Variants in AEBP2 observed in about 807,000 individuals in gnomAD.
AEBP2 encodes AE binding protein 2.
Under a neutral mutation model 50.8 loss-of-function variants are expected in AEBP2, and 10 were observed. The observed-to-expected ratio is 0.20, with a 90% confidence interval of 0.12 to 0.33. AEBP2 has a LOEUF of 0.33. Ranked by LOEUF, AEBP2 falls within the 10% of genes least tolerant of loss-of-function variation. AEBP2 has a pLI of 1.00. For synonymous variants in AEBP2, 296 were observed against 261.3 expected (o/e 1.13, Z -1.28); for missense variants, 570 against 688.0 (o/e 0.83, Z 1.92).
chr12:19,454,723 T>C (rs1355947190), intron 1 of AEBP2, among the ~76,000 whole-genome samples: 6 of 151,974 alleles, frequency 3.9e-5, no homozygotes, highest in Middle Eastern at 3.2e-3. Flanking sequence ...CTAAAAAAAA[T>C]AAAGTTGGAC....
chr12:19,413,459 G>A (rs2095740542), intron 1 of AEBP2: 3 of 1,087,738 alleles, frequency 2.8e-6, no homozygotes, highest in Admixed American at 1.7e-5. Context: ...GACGATTATT[G>A]AACTACAAGT....
At position 19,433,796 on chromosome 12, in the gene AEBP2, C is replaced by T. The variant is rs556035383; in HGVS notation, c.-16-28714C>T. 3.0e-3 allele frequency among the ~76,000 whole-genome samples: 457 copies of T among 150,784 alleles called. 1 individual carries two copies. The highest frequency in any genetic ancestry group is 4.6e-3 in the Non-Finnish European group (310 of 67,812). On this transcript the variant is annotated intron_variant, in intron 1 of 3. Transcript: ENST00000538425. ...CTAGCCTGGGTGAAAGAGTGAAACT[C>T]CGTCTCAAAAAAAAAAAAGTATAAA... is the stretch of plus-strand genomic sequence containing the variant.
At chr12:19,446,757 C>T (rs1024413233) in intron 1 of AEBP2, among the ~76,000 whole-genome samples, 7 of 146,390 alleles carry the variant, frequency 4.8e-5, no homozygotes, top group African/African-American at 1.7e-4. Context: ...AAAAAGATCT[C>T]ATCTACAAAA....
At chr12:19,483,270 G>A (rs1948756735) in intron 3 of AEBP2, among the ~76,000 whole-genome samples, 1 of 152,108 alleles carries the variant, frequency 6.6e-6, no homozygotes, top group African/African-American at 2.4e-5. Flanking sequence ...TCCCACTGCT[G>A]CTTCTACTTT....
chr12:19,484,575 A>G (rs1174074702), intron 3 of AEBP2, among the ~76,000 whole-genome samples: 1 of 151,922 alleles, frequency 6.6e-6, no homozygotes, highest in Non-Finnish European at 1.5e-5. Context: ...GGGTTTCACC[A>G]TGTTGGCCAG....
rs1188965737 is a variant in AEBP2, at chr12:19,413,449, GA to G, written c.-17+9234del. The G allele has an allele frequency of 4.5e-6, 5 of 1,105,174 alleles. No individual in the cohort carries two copies. The African/African-American group carries it at 6.1e-5, about 14-fold the overall frequency. The allele number at this position is 1,105,174 out of a possible 1,614,324, so 68.5% of individuals were successfully genotyped here. Reference sequence around the variant, plus strand: ...AAAAGTAATGGACTCTGATGAAGAAGACGATTATTGAACTACAAGTGCTCAC... The same window carrying G: ...AAAAGTAATGGACTCTGATGAAGAAGCGATTATTGAACTACAAGTGCTCAC... On this transcript the variant is annotated intron_variant, in intron 1 of 3. Coordinates refer to the AEBP2 transcript ENST00000538425.
At chr12:19,468,656 C>G (rs1387147541) in intron 2 of AEBP2, among the ~76,000 whole-genome samples, 1 of 152,168 alleles carries the variant, frequency 6.6e-6, no homozygotes. Flanking sequence ...GATACATACA[C>G]TGGTACAAGG....
In AEBP2 at chr12:19,416,917, G is replaced by A. The variant is rs568637567; in HGVS notation, c.-17+12701G>A. On this transcript the variant is annotated intron_variant, in intron 1 of 3. Transcript: ENST00000538425. ...GTTGGAATCTCGCTCTGTCGCCCGG[G>A]CTGGAGTGCAGTGGCGTGATCTTGG... Among the ~76,000 whole-genome samples, 15 of 150,648 alleles carry A rather than the reference G, an allele frequency of 1.0e-4. 1 individual carries two copies. The East Asian group carries it at 3.0e-3, about 30-fold the overall frequency.
intron 1 of AEBP2, among the ~76,000 whole-genome samples, chr12:19,413,710 C>A (rs565941380): frequency 5.3e-4 from 81 of 152,178 alleles, no homozygotes; most frequent in African/African-American, 1.9e-3. Flanking sequence ...CATGCCTCCC[C>A]TTTTTAGACC....
rs184249721 is a variant in AEBP2, at chr12:19,507,924, A to G, written c.1300-4474A>G. 3.9e-5 allele frequency among the ~76,000 whole-genome samples: 6 copies of G among 152,298 alleles called. No homozygotes were observed. In the East Asian group the frequency reaches 7.7e-4, roughly 20 times the overall value. ...AGAAAATAATACAAATAATGAAACA[A>G]TTGGTTAAAAGAAGGCTATGAGGTA... On this transcript the variant is annotated intron_variant, in intron 5 of 7. Transcript: ENST00000266508.
chr12:19,434,579 G>A (rs948750916), upstream of AEBP2, among the ~76,000 whole-genome samples: 2 of 152,156 alleles, frequency 1.3e-5, no homozygotes, highest in African/African-American at 2.4e-5. Context: ...GCTACAAACC[G>A]GGAATGCACA....
At chr12:19,442,055 A>T (rs745529387) in intron 1 of AEBP2, among the ~76,000 whole-genome samples, 1 of 152,176 alleles carries the variant, frequency 6.6e-6, no homozygotes, top group Non-Finnish European at 1.5e-5. Context: ...TGGGCTGGAT[A>T]TGAGCAAAGG....
chr12:19,473,115 A>G (rs1032012263), intron 2 of AEBP2, 133 bp from the exon 3 acceptor site: 18 of 356,018 alleles, frequency 5.1e-5, no homozygotes, highest in African/African-American at 3.2e-4. Context: ...TATATTAAGC[A>G]TTTTGATTGG....
intron 2 of AEBP2, among the ~76,000 whole-genome samples, chr12:19,463,588 G>A (rs1948415658): frequency 6.7e-6 from 1 of 150,240 alleles, no homozygotes; most frequent in Non-Finnish European, 1.5e-5. Flanking sequence ...GATATTTAGA[G>A]TATAGTATTG....
chr12:19,414,716 A>G (rs2095741281), intron 1 of AEBP2, among the ~76,000 whole-genome samples: 1 of 152,172 alleles, frequency 6.6e-6, no homozygotes, highest in Non-Finnish European at 1.5e-5. Flanking sequence ...TGAGGTCAAG[A>G]GTTCGAGACC....
intron 1 of AEBP2, chr12:19,440,574 C>G: frequency 7.1e-7 from 1 of 1,416,362 alleles, no homozygotes; most frequent in Non-Finnish European, 9.2e-7. Flanking sequence ...TCAAACCGTT[C>G]CCCCCCAACT....
chr12:19,501,081 A>C (rs189114896), intron 5 of AEBP2, among the ~76,000 whole-genome samples: 41 of 152,236 alleles, frequency 2.7e-4, no homozygotes, highest in African/African-American at 9.6e-4. Context: ...TGTAATCCCA[A>C]AATTTTGGGA....
chr12:19,500,075 T>A, intron 4 of AEBP2, 22 bp from the exon 5 acceptor site: 1 of 1,587,562 alleles, frequency 6.3e-7, no homozygotes, highest in Non-Finnish European at 8.6e-7. Context: ...AAATATTCTT[T>A]ACTTTTTATG....
At chr12:19,509,076 C>A in intron 5 of AEBP2, 1 of 576,696 alleles carries the variant, frequency 1.7e-6, no homozygotes, top group South Asian at 1.7e-5. Flanking sequence ...GGGGTTCGTG[C>A]TGTGAGACCT....
Sources: gnomAD v4.1 joint callset for allele counts (sites outside exome capture counted in the v4.1 genomes callset) on GRCh38, gnomAD v4.1.1 for gene constraint, MANE v1.5 for transcripts, NCBI Gene and HGNC (gene_info 2026-07-23, HGNC 2026-07-21) for gene names.